TTC29: variants seen among roughly 807,000 people sequenced by gnomAD.
The protein encoded by TTC29 is tetratricopeptide repeat domain 29.
TTC29 carries 49 observed loss-of-function variants against 58.1 expected under a neutral mutation model. The ratio of observed to expected loss-of-function variants is 0.84; its 90% CI spans 0.67 to 1.07. TTC29 has a LOEUF of 1.07. Among genes scored for constraint, TTC29 ranks in the 50% least tolerant of loss-of-function variants. The pLI, the probability that TTC29 is intolerant of heterozygous loss-of-function variation, is 0.00. For synonymous variants in TTC29, 209 were observed against 196.8 expected, an observed-to-expected ratio of 1.06 and a Z score of -0.52; for missense variants, 582 against 555.6, an observed-to-expected ratio of 1.05 and a Z score of -0.48.
Position 146,932,859 on chromosome 4 carries a change from AT to A in TTC29, c.176+4734del, listed in dbSNP as rs1735450144. Reference sequence around the variant, plus strand: ...ATCACAAGGTCAGGAGATAGAGACCATCCTGGCCAACATGGTGAAACCCCGT... The same window carrying A: ...ATCACAAGGTCAGGAGATAGAGACCACCTGGCCAACATGGTGAAACCCCGT... On this transcript the variant is annotated intron_variant, in intron 4 of 12. Coordinates refer to ENST00000325106, the MANE Select transcript of TTC29 (RefSeq NM_031956.4). 2.0e-5 allele frequency among the ~76,000 whole-genome samples: 3 copies of A among 152,238 alleles called. No homozygotes were observed. In the East Asian group the frequency reaches 5.8e-4, roughly 29 times the overall value.
At chr4:146,898,558 T>C (rs1006008074) in intron 6 of TTC29, among the ~76,000 whole-genome samples, 3 of 152,224 alleles carry the variant, frequency 2.0e-5, no homozygotes, top group South Asian at 4.1e-4. Flanking sequence ...AATAAAGTCA[T>C]ACAGGAGGGT....
At position 146,731,631 on chromosome 4, in the gene TTC29, C is replaced by T. The variant is rs535187249; in HGVS notation, c.1331-24080G>A. The stretch of plus-strand genomic sequence containing the variant: ...GTGGCAATTTCTTTCTGGCATTTCT[C>T]AGGAAAACGTATGTTTTTCAAAGTC... On this transcript the variant is annotated intron_variant, in intron 11 of 12. Transcript: ENST00000325106. Among the ~76,000 whole-genome samples the T allele has an allele frequency of 2.0e-5, 3 of 152,222 alleles. No homozygotes were observed. In the East Asian group the frequency reaches 5.8e-4, roughly 29 times the overall value.
intron 6 of TTC29, among the ~76,000 whole-genome samples, chr4:146,897,994 GT>G (rs1313146750): frequency 6.6e-6 from 1 of 152,158 alleles, no homozygotes; most frequent in Non-Finnish European, 1.5e-5. Flanking sequence ...AGAATTTATT[GT>G]TTTTTTAGTG....
chr4:146,811,385 C>G (rs996336297), intron 10 of TTC29, among the ~76,000 whole-genome samples: 1 of 152,158 alleles, frequency 6.6e-6, no homozygotes, highest in Non-Finnish European at 1.5e-5. Flanking sequence ...TCATGAAAAT[C>G]TCTTTCTAAG....
chr4:146,707,688 C>A (rs1382548246), intron 11 of TTC29, 137 bp from the exon 12 acceptor site: 5 of 582,254 alleles, frequency 8.6e-6, no homozygotes, highest in Admixed American at 5.7e-5. Flanking sequence ...ATCACCAGGG[C>A]AGATTGTATT....
At chr4:146,729,928 A>G (rs1421462816) in intron 11 of TTC29, among the ~76,000 whole-genome samples, 2 of 151,950 alleles carry the variant, frequency 1.3e-5, no homozygotes, top group Admixed American at 1.3e-4. Flanking sequence ...GATTACCATT[A>G]GAGATGAGAT....
intron 6 of TTC29, among the ~76,000 whole-genome samples, chr4:146,881,451 C>T (rs555208231): frequency 7.2e-5 from 11 of 152,120 alleles, no homozygotes; most frequent in Middle Eastern, 3.4e-3. Context: ...TAAAGCTTTA[C>T]GTGTATTATA....
chr4:146,762,954 T>G (rs1391666788), intron 11 of TTC29, among the ~76,000 whole-genome samples: 2 of 152,100 alleles, frequency 1.3e-5, no homozygotes, highest in Non-Finnish European at 2.9e-5. Context: ...ATTTCTGGAT[T>G]TAGGGCTTAT....
chr4:146,862,957 C>A (rs1265762244), intron 8 of TTC29, among the ~76,000 whole-genome samples: 1 of 151,830 alleles, frequency 6.6e-6, no homozygotes, highest in Non-Finnish European at 1.5e-5. Context: ...CCCGTCTGTA[C>A]TAAAAATACA....
chr4:146,839,486 T>G (rs1040141532), intron 8 of TTC29, among the ~76,000 whole-genome samples: 8 of 151,736 alleles, frequency 5.3e-5, no homozygotes, highest in African/African-American at 1.7e-4. Flanking sequence ...CAATAAAAAT[T>G]TTTAAATTTC....
At chr4:146,712,456 A>C (rs1742572743) in intron 11 of TTC29, among the ~76,000 whole-genome samples, 1 of 152,126 alleles carries the variant, frequency 6.6e-6, no homozygotes, top group Admixed American at 6.6e-5. Flanking sequence ...TCTACCTTGT[A>C]ACTGATGGTT....
At chr4:146,732,291 G>A (rs972326632) in intron 11 of TTC29, among the ~76,000 whole-genome samples, 4 of 152,122 alleles carry the variant, frequency 2.6e-5, no homozygotes, top group Non-Finnish European at 5.9e-5. Flanking sequence ...AATATGTAAA[G>A]AGTATGAAGA....
At chr4:146,900,127 C>T (rs562736389) in intron 6 of TTC29, among the ~76,000 whole-genome samples, 22 of 152,158 alleles carry the variant, frequency 1.4e-4, no homozygotes, top group South Asian at 4.1e-4. Flanking sequence ...ACAGAAGCTT[C>T]ACAGATAATT....
intron 6 of TTC29, among the ~76,000 whole-genome samples, chr4:146,885,470 G>A (rs748591931): frequency 2.4e-4 from 37 of 151,874 alleles, no homozygotes; most frequent in Admixed American, 9.8e-4. Context: ...AATTTTCTAC[G>A]TATCTAGATT....
At chr4:146,746,075 G>C (rs538412363) in intron 11 of TTC29, among the ~76,000 whole-genome samples, 10 of 152,318 alleles carry the variant, frequency 6.6e-5, no homozygotes, top group African/African-American at 2.4e-4. Context: ...TGTTGAGAAA[G>C]AAGCTCAGTC....
At chr4:146,816,419 G>C (rs574755705) in intron 10 of TTC29, among the ~76,000 whole-genome samples, 33 of 152,194 alleles carry the variant, frequency 2.2e-4, no homozygotes, top group South Asian at 4.2e-4. Flanking sequence ...CAAAGAAATG[G>C]GCAGGGAACC....
In TTC29 at chr4:146,909,158, G is replaced by T; in HGVS notation, c.268C>A (p.Arg90=). The T allele has an allele frequency of 6.2e-7, 1 of 1,613,670 alleles. No individual in the cohort carries two copies. Among genetic ancestry groups the T allele is most frequent in the Non-Finnish European group, 8.5e-7 (1 of 1,179,798 alleles). ...SFTELFALME[R]WDALREAARV... is the part of the protein sequence containing the mutation. ...GCAGCCTCCCTCAGGGCATCCCACC[G>T]CTCCATCAGAGCGAAGAGCTCGGTG... Residue 90 remains arginine, a synonymous_variant, in exon 5 of 13, where the codon CGG becomes AGG. Transcript: ENST00000325106.
intron 10 of TTC29, among the ~76,000 whole-genome samples, chr4:146,808,292 G>A (rs1180306300): frequency 1.3e-5 from 2 of 152,122 alleles, no homozygotes; most frequent in Non-Finnish European, 2.9e-5. Context: ...CATACTTAAT[G>A]GGCACAAGCT....
chr4:146,777,178 G>A (rs1269874588), intron 11 of TTC29, among the ~76,000 whole-genome samples: 2 of 152,186 alleles, frequency 1.3e-5, no homozygotes, highest in African/African-American at 4.8e-5. Context: ...GGCTCTCTGA[G>A]GCGGAAGATA....
Sources: allele counts gnomAD v4.1 joint callset (sites outside exome capture counted in the v4.1 genomes callset), GRCh38; gene constraint gnomAD v4.1.1; transcripts MANE v1.5; gene names NCBI Gene and HGNC (gene_info 2026-07-23, HGNC 2026-07-21).